Variants in BLVRA observed in about 807,000 individuals in gnomAD.
The protein encoded by BLVRA is BVR A.
A neutral mutation model predicts 32.8 loss-of-function variants in BLVRA; 22 were observed. The ratio of observed to expected loss-of-function variants is 0.67; its 90% CI spans 0.48 to 0.96. BLVRA has a LOEUF of 0.96. Ranked by LOEUF, BLVRA falls within the 40% of genes least tolerant of loss-of-function variation. The pLI is 0.00. For missense variants in BLVRA, 323 were observed against 358.1 expected, an observed-to-expected ratio of 0.90 and a Z score of 0.79; for synonymous variants, 119 against 141.3, an observed-to-expected ratio of 0.84 and a Z score of 1.12.
intron 2 of BLVRA, among the ~76,000 whole-genome samples, chr7:43,776,919 T>C (rs1200843638): frequency 2.6e-5 from 4 of 152,224 alleles, no homozygotes; most frequent in Non-Finnish European, 4.4e-5. Context: ...TCTCTTTTGA[T>C]CTTTGTTGGT....
chr7:43,781,004 G>A (rs904695496), intron 2 of BLVRA, among the ~76,000 whole-genome samples: 8 of 152,324 alleles, frequency 5.3e-5, no homozygotes, highest in Admixed American at 2.6e-4. Flanking sequence ...AAAATTAGGC[G>A]TAGTGGCACA....
At chr7:43,806,832 C>A in intron 7 of BLVRA, 145 bp from the exon 8 acceptor site, 1 of 841,204 alleles carries the variant, frequency 1.2e-6, no homozygotes, top group South Asian at 1.5e-5. Context: ...TTGACACAGT[C>A]ACCCACAGCC....
chr7:43,763,586 T>C (rs1028501995), intron 1 of BLVRA, among the ~76,000 whole-genome samples: 1 of 152,218 alleles, frequency 6.6e-6, no homozygotes, highest in Non-Finnish European at 1.5e-5. Context: ...AAGCACATAC[T>C]GCGCACCCGT....
chr7:43,763,773 A>G (rs938489395), intron 1 of BLVRA, among the ~76,000 whole-genome samples: 7 of 152,210 alleles, frequency 4.6e-5, no homozygotes, highest in Admixed American at 3.3e-4. Flanking sequence ...ATAGTTGAAT[A>G]TTTTATATAA....
chr7:43,773,031 C>T (rs2095756336), intron 2 of BLVRA, among the ~76,000 whole-genome samples: 1 of 152,176 alleles, frequency 6.6e-6, no homozygotes, highest in South Asian at 2.1e-4. Flanking sequence ...ACCTAATTCC[C>T]ACTACCTCTT....
At chr7:43,776,055 C>T (rs553806727) in intron 2 of BLVRA, among the ~76,000 whole-genome samples, 49 of 152,124 alleles carry the variant, frequency 3.2e-4, no homozygotes, top group African/African-American at 8.7e-4. Context: ...GTCTTGCTAG[C>T]GGTCTATCAA....
intron 2 of BLVRA, among the ~76,000 whole-genome samples, chr7:43,775,771 G>T (rs1374934329): frequency 6.6e-6 from 1 of 152,124 alleles, no homozygotes; most frequent in Non-Finnish European, 1.5e-5. Flanking sequence ...ATCTCGTCCT[G>T]GACTCTTTTT....
chr7:43,765,383 C>CT (rs1274916005), intron 1 of BLVRA, among the ~76,000 whole-genome samples: 1 of 152,044 alleles, frequency 6.6e-6, no homozygotes, highest in Non-Finnish European at 1.5e-5. Context: ...TCCCGAATAG[C>CT]TGGTATTACA....
At chr7:43,765,097 G>A (rs186081230) in intron 1 of BLVRA, among the ~76,000 whole-genome samples, 30 of 152,310 alleles carry the variant, frequency 2.0e-4, no homozygotes, top group African/African-American at 6.7e-4. Flanking sequence ...CAGTAGATAC[G>A]GGGGGAGGAG....
At position 43,785,395 on chromosome 7, in the gene BLVRA, T is replaced by C. The variant is rs1366044269; in HGVS notation, c.13-2509T>C. Among the ~76,000 whole-genome samples the C allele has an allele frequency of 2.7e-5, 4 of 150,636 alleles. No homozygotes were observed. In the East Asian group the frequency reaches 7.8e-4, roughly 29 times the overall value. On this transcript the variant is annotated intron_variant, in intron 2 of 7. Coordinates refer to ENST00000265523, the MANE Select transcript of BLVRA (RefSeq NM_000712.4). The stretch of plus-strand genomic sequence containing the variant: ...CCCAAAAAGGACTTACTTGGTGAAA[T>C]TGTCAATTGTCAGTTGGGCACTGTG...
chr7:43,805,116 T>C (rs907066118), intron 7 of BLVRA, among the ~76,000 whole-genome samples: 1 of 151,954 alleles, frequency 6.6e-6, no homozygotes, highest in Non-Finnish European at 1.5e-5. Flanking sequence ...CACCCTGTAA[T>C]TAGAGGTAAA....
chr7:43,790,308 G>A (rs1283271325), intron 3 of BLVRA, among the ~76,000 whole-genome samples: 1 of 152,122 alleles, frequency 6.6e-6, no homozygotes, highest in African/African-American at 2.4e-5. Flanking sequence ...TTCCCCTCCT[G>A]CTTCTGCTCC....
chr7:43,771,689 T>G (rs1325563933), intron 2 of BLVRA, among the ~76,000 whole-genome samples: 1 of 152,248 alleles, frequency 6.6e-6, no homozygotes, highest in African/African-American at 2.4e-5. Context: ...TTTTCCCACT[T>G]GTCCTGTCCA....
intron 2 of BLVRA, among the ~76,000 whole-genome samples, chr7:43,779,134 C>T (rs1372836968): frequency 3.3e-5 from 5 of 152,244 alleles, no homozygotes; most frequent in Admixed American, 1.3e-4. Flanking sequence ...CGCCCTGCTT[C>T]GGCTTGCACA....
chr7:43,762,664 T>TG (rs2095743701), intron 1 of BLVRA, among the ~76,000 whole-genome samples: 1 of 141,694 alleles, frequency 7.1e-6, no homozygotes, highest in Admixed American at 7.5e-5. Context: ...CAGGCTGGAG[T>TG]GCAGTGGGAC....
chr7:43,773,983 GTTGT>G (rs754978077), intron 2 of BLVRA, among the ~76,000 whole-genome samples: 3,512 of 152,208 alleles, frequency 0.023, 56 homozygotes, highest in Middle Eastern at 0.034. Flanking sequence ...TTTTGATGGG[GTTGT>G]TTGTTTTTTT....
intron 2 of BLVRA, 143 bp downstream of exon 2, chr7:43,771,313 G>C: frequency 1.0e-6 from 1 of 989,552 alleles, no homozygotes; most frequent in Non-Finnish European, 1.6e-6. Context: ...AGTGCACGTG[G>C]TTCTGGGTGA....
chr7:43,800,252 G>A (rs1192034856), intron 5 of BLVRA, among the ~76,000 whole-genome samples: 3 of 152,166 alleles, frequency 2.0e-5, no homozygotes, highest in African/African-American at 7.2e-5. Flanking sequence ...CACCATGCCT[G>A]GCCTTCATTT....
intron 7 of BLVRA, among the ~76,000 whole-genome samples, chr7:43,806,634 G>A (rs574298358): frequency 5.3e-5 from 8 of 152,014 alleles, no homozygotes; most frequent in Non-Finnish European, 1.0e-4. Context: ...TGTAATCCCA[G>A]CTACTTGGGA....
Sources: allele counts gnomAD v4.1 joint callset (sites outside exome capture counted in the v4.1 genomes callset), GRCh38; gene constraint gnomAD v4.1.1; transcripts MANE v1.5; gene names NCBI Gene and HGNC (gene_info 2026-07-23, HGNC 2026-07-21).